GAS7: variants seen among roughly 807,000 people sequenced by gnomAD.
GAS7 encodes the protein growth arrest specific 7.
A neutral mutation model predicts 71.1 loss-of-function variants in GAS7; 28 were observed. That is an observed-to-expected ratio of 0.39 (90% CI 0.29 to 0.54). GAS7 has a LOEUF of 0.54. Among genes scored for constraint, GAS7 ranks in the 20% least tolerant of loss-of-function variants. The pLI, the probability that GAS7 is intolerant of heterozygous loss-of-function variation, is 0.62. For synonymous variants in GAS7, 258 were observed against 245.8 expected, an observed-to-expected ratio of 1.05 and a Z score of -0.46; for missense variants, 436 against 627.8, an observed-to-expected ratio of 0.69 and a Z score of 3.27.
At chr17:10,050,393 T>A (rs2073046178) in intron 1 of GAS7, among the ~76,000 whole-genome samples, 2 of 152,082 alleles carry the variant, frequency 1.3e-5, no homozygotes, top group Admixed American at 6.5e-5. Flanking sequence ...TCTGATCACA[T>A]CTCATCATTT....
At chr17:9,943,357 G>A (rs1202024467) in intron 6 of GAS7, 121 bp from the exon 7 acceptor site, 13 of 669,758 alleles carry the variant, frequency 1.9e-5, no homozygotes, top group Non-Finnish European at 3.3e-5. Flanking sequence ...CACAAGACGC[G>A]GGAGCAGCTG....
At chr17:10,041,174 A>AAAAAAAG (rs1555528019) in intron 1 of GAS7, among the ~76,000 whole-genome samples, 164 of 151,114 alleles carry the variant, frequency 1.1e-3, no homozygotes, top group African/African-American at 3.8e-3. Flanking sequence ...AAAAAAAAAA[A>AAAAAAAG]AAGAAGAAGG....
At chr17:9,935,843 GC>G (rs1239618869) in intron 8 of GAS7, among the ~76,000 whole-genome samples, 1 of 152,230 alleles carries the variant, frequency 6.6e-6, no homozygotes, top group Non-Finnish European at 1.5e-5. Flanking sequence ...TGCCTGAAGG[GC>G]CTGAGATCCA....
At chr17:10,106,314 C>T (rs960112126) in intron 1 of GAS7, among the ~76,000 whole-genome samples, 2 of 152,236 alleles carry the variant, frequency 1.3e-5, no homozygotes, top group Non-Finnish European at 2.9e-5. Context: ...ACACCGGCCC[C>T]TCCTCTGATC....
At chr17:10,152,670 C>G (rs547191948) in intron 1 of GAS7, among the ~76,000 whole-genome samples, 1 of 152,148 alleles carries the variant, frequency 6.6e-6, no homozygotes, top group Non-Finnish European at 1.5e-5. Context: ...GAGGAGGAGA[C>G]GCAGCCTTCA....
Position 9,919,538 on chromosome 17 carries a change from C to T in GAS7, c.1218+88G>A, listed in dbSNP as rs191557566. On this transcript the variant is annotated intron_variant, in intron 12 of 13. Transcript: ENST00000432992. This position sits in a 1 kb window ranked among gnomAD's most constrained non-coding sequence, Gnocchi z 5.0. ...TGACCATCTCCAGGGTCACTCCACC[C>T]CATCATCCCCGCGCCCACCAACAAC... The T allele has an allele frequency of 9.5e-4, 887 of 930,768 alleles. 3 individuals carry two copies. Among genetic ancestry groups the T allele is most frequent in the Admixed American group, 2.2e-3 (128 of 58,798 alleles). 57.7% of individuals were successfully genotyped at this position (930,768 alleles called of 1,614,324 possible).
intron 1 of GAS7, among the ~76,000 whole-genome samples, chr17:10,042,662 A>G (rs2072889846): frequency 6.6e-6 from 1 of 152,238 alleles, no homozygotes; most frequent in Non-Finnish European, 1.5e-5. Flanking sequence ...CTGGCAGACA[A>G]TAAGAGCTTT....
At chr17:10,033,583 AG>A (rs1407271428) in intron 1 of GAS7, among the ~76,000 whole-genome samples, 1 of 152,248 alleles carries the variant, frequency 6.6e-6, no homozygotes, top group African/African-American at 2.4e-5. Context: ...CTCACCAGAA[AG>A]GATCTTCAAG....
intron 2 of GAS7, among the ~76,000 whole-genome samples, chr17:10,008,322 C>T (rs16959231): frequency 0.034 from 5,101 of 152,176 alleles, 221 homozygotes; most frequent in African/African-American, 0.099. Flanking sequence ...GTTTTTGTTC[C>T]ACTTCCATAT....
At position 10,112,861 on chromosome 17, in the gene GAS7, A is replaced by T. The variant is rs1311429972; in HGVS notation, c.183+85347T>A. Among the ~76,000 whole-genome samples the T allele has an allele frequency of 5.9e-5, 9 of 152,078 alleles. 1 individual carries two copies. Among genetic ancestry groups the T allele is most frequent in the Admixed American group, 5.9e-4 (9 of 15,212 alleles). Reference sequence around the variant, plus strand: ...GAAAGAAAGAAAAGAAAAGAAAAAAAGAAAAAGAAAAGAGAAAAGAGAGTC... The same window carrying T: ...GAAAGAAAGAAAAGAAAAGAAAAAATGAAAAAGAAAAGAGAAAAGAGAGTC... On this transcript the variant is annotated intron_variant, in intron 1 of 13. Transcript: ENST00000432992.
In GAS7 at chr17:10,033,789, C is replaced by T. The variant is rs371046880; in HGVS notation, c.184-13892G>A. On this transcript the variant is annotated intron_variant, in intron 1 of 13. Transcript: ENST00000432992. The stretch of plus-strand genomic sequence containing the variant: ...ACCAGTTGCTGGCTGGAGTGGCCTG[C>T]AGGCACTGAAGGAAAATGGAAGCAG... Among the ~76,000 whole-genome samples, 21 of 152,346 alleles carry T rather than the reference C, an allele frequency of 1.4e-4. No homozygotes were observed. In the East Asian group the frequency reaches 1.9e-3, roughly 14 times the overall value.
intron 1 of GAS7, among the ~76,000 whole-genome samples, chr17:10,151,986 A>G (rs921110159): frequency 2.0e-5 from 3 of 152,244 alleles, no homozygotes; most frequent in Non-Finnish European, 4.4e-5. Context: ...CCAGTGGCAG[A>G]AATCCAATCC....
chr17:10,101,075 T>C (rs1266052093), intron 1 of GAS7, among the ~76,000 whole-genome samples: 3 of 151,418 alleles, frequency 2.0e-5, no homozygotes, highest in South Asian at 4.2e-4. Context: ...TCCAGACCAG[T>C]CTAAGCAACA....
chr17:10,144,628 T>C (rs549236302), intron 1 of GAS7, among the ~76,000 whole-genome samples: 62 of 152,288 alleles, frequency 4.1e-4, no homozygotes, highest in African/African-American at 1.4e-3. Flanking sequence ...ACTGCAGCTT[T>C]GACCTCCAGG....
chr17:10,186,956 C>T (rs571358179), intron 1 of GAS7, among the ~76,000 whole-genome samples: 93 of 152,244 alleles, frequency 6.1e-4, no homozygotes, highest in African/African-American at 1.9e-3. Flanking sequence ...GCTCTAGGTG[C>T]GATGATAAAA....
intron 1 of GAS7, among the ~76,000 whole-genome samples, chr17:10,131,777 G>A (rs2073999097): frequency 6.6e-6 from 1 of 152,086 alleles, no homozygotes; most frequent in South Asian, 2.1e-4. Context: ...ACTCATGAAT[G>A]TATGAAAACA....
intron 6 of GAS7, among the ~76,000 whole-genome samples, chr17:9,945,290 C>G (rs1297014982): frequency 6.6e-6 from 1 of 152,098 alleles, no homozygotes; most frequent in East Asian, 1.9e-4. Flanking sequence ...CCCACCCCCA[C>G]CTGCACAATG....
intron 2 of GAS7, among the ~76,000 whole-genome samples, chr17:10,013,172 G>A (rs2071847610): frequency 6.6e-6 from 1 of 151,150 alleles, no homozygotes; most frequent in Non-Finnish European, 1.5e-5. Context: ...CACCACGTCA[G>A]AATGCAGCTG....
intron 11 of GAS7, among the ~76,000 whole-genome samples, chr17:9,920,664 T>C (rs965818607): frequency 1.3e-5 from 2 of 152,218 alleles, no homozygotes; most frequent in Admixed American, 6.5e-5. Context: ...TGGTAATGTG[T>C]GTGCACGTGG....
Sources: allele counts gnomAD v4.1 joint callset (sites outside exome capture counted in the v4.1 genomes callset), GRCh38; gene constraint gnomAD v4.1.1; non-coding constraint Gnocchi (gnomAD v3.1); transcripts MANE v1.5; gene names NCBI Gene and HGNC (gene_info 2026-07-23, HGNC 2026-07-21).